ENTREP2: variants seen among roughly 807,000 people sequenced by gnomAD.
The protein encoded by ENTREP2 is endosomal transmembrane epsin interactor 2.
At chr15:29,163,377 G>T in the ENTREP2 span, among the ~76,000 whole-genome samples, 1 of 152,080 alleles carries the variant, frequency 6.6e-6, no homozygotes, top group Non-Finnish European at 1.5e-5. Flanking sequence ...GGAGGCACCA[G>T]AGAAAGGTGA....
At chr15:29,657,483 C>CA in the ENTREP2 span, among the ~76,000 whole-genome samples, 8 of 69,382 alleles carry the variant, frequency 1.2e-4, no homozygotes, top group African/African-American at 3.0e-4. Context: ...GCTGGGGGGG[C>CA]GGGGGGGGGG....
chr15:29,669,905 G>A, the ENTREP2 span, among the ~76,000 whole-genome samples: 2 of 152,142 alleles, frequency 1.3e-5, no homozygotes, highest in Non-Finnish European at 2.9e-5. Flanking sequence ...GCAAAGAGCC[G>A]ATCCCACGGT....
the ENTREP2 span, among the ~76,000 whole-genome samples, chr15:29,179,889 C>T: frequency 1.5e-4 from 23 of 152,034 alleles, no homozygotes; most frequent in African/African-American, 5.3e-4. Flanking sequence ...CCAGCCAGGG[C>T]TGGAGTCTTA....
the ENTREP2 span, among the ~76,000 whole-genome samples, chr15:29,405,941 A>T: frequency 6.6e-6 from 1 of 152,236 alleles, no homozygotes; most frequent in South Asian, 2.1e-4. Context: ...TCAATATAGA[A>T]CAAGTTAGGA....
chr15:29,627,139 A>G, the ENTREP2 span, among the ~76,000 whole-genome samples: 1 of 152,128 alleles, frequency 6.6e-6, no homozygotes, highest in African/African-American at 2.4e-5. Context: ...TGCATGTCAC[A>G]AATTTCGATG....
At chr15:29,140,078 G>A in the ENTREP2 span, among the ~76,000 whole-genome samples, 1 of 152,118 alleles carries the variant, frequency 6.6e-6, no homozygotes, top group African/African-American at 2.4e-5. Flanking sequence ...CTGTTCCCCG[G>A]CTTTGCGGGC....
chr15:29,299,556 G>A, the ENTREP2 span, among the ~76,000 whole-genome samples: 1 of 152,034 alleles, frequency 6.6e-6, no homozygotes, highest in Non-Finnish European at 1.5e-5. Context: ...CCACCTGGCT[G>A]GACATTCTTC....
chr15:29,624,199 T>G, the ENTREP2 span, among the ~76,000 whole-genome samples: 1 of 152,220 alleles, frequency 6.6e-6, no homozygotes, highest in African/African-American at 2.4e-5. Flanking sequence ...TATTCTACGA[T>G]TCACACAATA....
chr15:29,321,791 G>A, the ENTREP2 span, among the ~76,000 whole-genome samples: 1 of 152,122 alleles, frequency 6.6e-6, no homozygotes, highest in Admixed American at 6.6e-5. Flanking sequence ...TATGGACACA[G>A]GGAGGGGAAC....
At chr15:29,124,642 T>A in the ENTREP2 span, 193 of 1,514,266 alleles carry the variant, frequency 1.3e-4, no homozygotes, top group Non-Finnish European at 1.6e-4. Context: ...CCGCCCCACC[T>A]CCCAGCAGGC....
the ENTREP2 span, among the ~76,000 whole-genome samples, chr15:29,594,052 A>C: frequency 6.6e-6 from 1 of 152,166 alleles, no homozygotes; most frequent in Non-Finnish European, 1.5e-5. Flanking sequence ...ACCTTCCTGC[A>C]CATTTTTTTT....
chr15:29,500,259 T>C, the ENTREP2 span, among the ~76,000 whole-genome samples: 4 of 152,082 alleles, frequency 2.6e-5, no homozygotes, highest in African/African-American at 9.7e-5. Flanking sequence ...TTGACATCTA[T>C]AGAACACTCA....
the ENTREP2 span, among the ~76,000 whole-genome samples, chr15:29,165,623 A>C: frequency 1.3e-5 from 2 of 152,312 alleles, no homozygotes; most frequent in South Asian, 2.1e-4. Context: ...TCCTAGCTTA[A>C]ATCAGGAAGA....
At chr15:29,547,280 G>A in the ENTREP2 span, among the ~76,000 whole-genome samples, 3 of 151,652 alleles carry the variant, frequency 2.0e-5, no homozygotes, top group Non-Finnish European at 2.9e-5. Flanking sequence ...AGTAGAGACC[G>A]GGTTTCACCA....
the ENTREP2 span, among the ~76,000 whole-genome samples, chr15:29,625,336 G>A: frequency 6.6e-6 from 1 of 152,268 alleles, no homozygotes; most frequent in South Asian, 2.1e-4. Context: ...GAGTGTACAA[G>A]TTTGTGTGTG....
chr15:29,608,622 T>A, the ENTREP2 span, among the ~76,000 whole-genome samples: 5 of 151,530 alleles, frequency 3.3e-5, no homozygotes, highest in South Asian at 1.0e-3. Flanking sequence ...TGGCGCCATC[T>A]CGGCTCACTG....
At chr15:29,617,182 AG>A in the ENTREP2 span, among the ~76,000 whole-genome samples, 8 of 152,314 alleles carry the variant, frequency 5.3e-5, 1 homozygote, top group African/African-American at 1.9e-4. Context: ...CGGGAAAGCC[AG>A]GGGTGTACTG....
the ENTREP2 span, among the ~76,000 whole-genome samples, chr15:29,424,688 G>A: frequency 6.6e-6 from 1 of 152,160 alleles, no homozygotes. Context: ...TAACCATGAG[G>A]CAGAGGAGAC....
At chr15:29,257,262 G>A in the ENTREP2 span, among the ~76,000 whole-genome samples, 1 of 151,946 alleles carries the variant, frequency 6.6e-6, no homozygotes, top group Non-Finnish European at 1.5e-5. Context: ...TAGTAGAGAC[G>A]GGGTTTCTCC....
Sources: gnomAD v4.1 joint callset for allele counts (sites outside exome capture counted in the v4.1 genomes callset) on GRCh38, gnomAD v4.1.1 for gene constraint, MANE v1.5 for transcripts, NCBI Gene and HGNC (gene_info 2026-07-23, HGNC 2026-07-21) for gene names.